Variants in OLFML1 observed in about 807,000 individuals in gnomAD.
OLFML1 encodes the protein olfactomedin like 1, also known as olfactomedin-like protein 1.
Under a neutral mutation model 37.3 loss-of-function variants are expected in OLFML1, and 33 were observed. The observed-to-expected ratio is 0.88, with a 90% CI of 0.67 to 1.18. The LOEUF (loss-of-function observed/expected upper bound fraction) is 1.18. Ranked by LOEUF, OLFML1 falls within the 50% of genes most tolerant of loss-of-function variation. OLFML1 has a pLI of 0.00. For synonymous variants in OLFML1, 186 were observed against 181.3 expected (o/e 1.03, Z -0.21); for missense variants, 545 against 483.7 (o/e 1.13, Z -1.19).
chr11:7,506,348 GAC>G (rs776953002), intron 2 of OLFML1, among the ~76,000 whole-genome samples: 24 of 152,196 alleles, frequency 1.6e-4, no homozygotes, highest in African/African-American at 3.4e-4. Flanking sequence ...CAGGAGAAAT[GAC>G]ACAGTTTCTT....
rs761460914 is a variant in OLFML1 at position 7,509,876 on chromosome 11, G to A, written c.897G>A (p.Pro299=). The A allele has an allele frequency of 9.9e-6, 16 of 1,614,098 alleles. No individual in the cohort carries two copies. The South Asian group carries it at 1.1e-4, about 11-fold the overall frequency. Residue 299 remains proline (P), a synonymous_variant, in exon 3 of 3, where the codon CCG becomes CCA. Coordinates refer to ENST00000329293, the MANE Select transcript of OLFML1 (RefSeq NM_198474.4). ...ATTTGGTTCTCACAAAGATTGAGCC[G>A]GGCACACTGGGAGTGGAGCATTCAT... The part of the protein sequence containing the change: ...HSHLVLTKIE[P]GTLGVEHSWD...
intron 2 of OLFML1, among the ~76,000 whole-genome samples, chr11:7,491,977 G>T (rs1342701879): frequency 3.9e-5 from 6 of 152,164 alleles, no homozygotes; most frequent in Admixed American, 2.6e-4. Context: ...CAACTGATTT[G>T]GAAACTTATC....
chr11:7,487,710 A>C (rs1564918652), intron 1 of OLFML1, among the ~76,000 whole-genome samples: 1 of 152,320 alleles, frequency 6.6e-6, no homozygotes, highest in Non-Finnish European at 1.5e-5. Flanking sequence ...TTTGAATGAC[A>C]AAAAATTAAA....
intron 2 of OLFML1, among the ~76,000 whole-genome samples, chr11:7,497,695 CAAT>C (rs1462063611): frequency 6.6e-6 from 1 of 152,144 alleles, no homozygotes; most frequent in Non-Finnish European, 1.5e-5. Flanking sequence ...TTGCTATTAT[CAAT>C]AAAGTTGTTA....
chr11:7,489,990 T>G (rs575644532), intron 2 of OLFML1, among the ~76,000 whole-genome samples: 1 of 152,166 alleles, frequency 6.6e-6, no homozygotes, highest in South Asian at 2.1e-4. Flanking sequence ...AACCCCAGTT[T>G]CATGTTCAAT....
Position 7,509,573 on chromosome 11 carries a change from T to A in OLFML1, c.594T>A (p.Asp198Glu), listed in dbSNP as rs756034494. ...CAAACATACGGGCATTCATGGAGGA[T>A]AACACCAAGCCAGCTCCCCGGAAGC... is the stretch of plus-strand genomic sequence containing the variant. ...EFANIRAFME[D>E]NTKPAPRKQI... The change falls in exon 3 of 3, where the codon GAT becomes GAA. Residue 198 changes from aspartate (D) to glutamate (E), a missense_variant. Transcript: ENST00000329293. The A allele has an allele frequency of 1.2e-6, 2 of 1,614,180 alleles. No individual in the cohort carries two copies. Among genetic ancestry groups the A allele is most frequent in the Admixed American group, 1.7e-5 (1 of 60,024 alleles).
intron 2 of OLFML1, among the ~76,000 whole-genome samples, chr11:7,498,422 G>A (rs1848687015): frequency 6.6e-6 from 1 of 152,180 alleles, no homozygotes; most frequent in South Asian, 2.1e-4. Flanking sequence ...AGAGGAAGTT[G>A]ATCAAGCACT....
rs200984474 is a variant in OLFML1 at position 7,485,940 on chromosome 11, C to T, written c.65C>T (p.Pro22Leu). The change falls in exon 1 of 3, where the codon CCG (proline) becomes CTG (leucine). Residue 22 changes from proline (P) to leucine (L), a missense_variant. Coordinates refer to ENST00000329293, the MANE Select transcript of OLFML1 (RefSeq NM_198474.4). ...CTGTTCCTTGCAGCTTTTCTGCCCCCGCCGCAGTGTACCCAGGACCCAGCC... is the reference window on the plus strand; with the variant it reads ...CTGTTCCTTGCAGCTTTTCTGCCCCTGCCGCAGTGTACCCAGGACCCAGCC... ...LVLFLAAFLP[P>L]PQCTQDPAMV... 208 of 1,613,988 alleles carry T rather than the reference C, an allele frequency of 1.3e-4. 2 individuals carry two copies. The African/African-American group carries it at 1.9e-3, about 15-fold the overall frequency.
At chr11:7,495,575 G>A (rs1215710644) in intron 2 of OLFML1, among the ~76,000 whole-genome samples, 1 of 151,968 alleles carries the variant, frequency 6.6e-6, no homozygotes, top group Admixed American at 6.6e-5. Flanking sequence ...CTATCTGTCT[G>A]GTGCTCTGTC....
intron 2 of OLFML1, 96 bp downstream of exon 2, chr11:7,488,511 G>A: frequency 1.0e-6 from 1 of 988,362 alleles, no homozygotes; most frequent in East Asian, 2.6e-5. Context: ...AGAGTAATGA[G>A]AGTAAGAATT....
intron 2 of OLFML1, among the ~76,000 whole-genome samples, chr11:7,492,033 TCA>T (rs1449853261): frequency 2.0e-5 from 3 of 152,286 alleles, no homozygotes; most frequent in Admixed American, 2.0e-4. Flanking sequence ...TGTAATGCAA[TCA>T]CAGAGTGCTG....
intron 2 of OLFML1, among the ~76,000 whole-genome samples, chr11:7,503,559 T>C (rs1159557293): frequency 6.6e-6 from 1 of 152,186 alleles, no homozygotes; most frequent in Non-Finnish European, 1.5e-5. Context: ...AGTGGAGAAC[T>C]GAAGTCTGAT....
Position 7,485,713 on chromosome 11 carries a change from T to G in OLFML1, c.-163T>G, listed in dbSNP as rs906460541. On this transcript the variant is annotated 5_prime_UTR_variant, in exon 1 of 3. Coordinates refer to ENST00000329293, the MANE Select transcript of OLFML1 (RefSeq NM_198474.4). ...CTAGCTGGCAAACTGAGCTCACGTA[T>G]CGGGTGGAATAACAAGCGGACTTTG... is the stretch of plus-strand genomic sequence containing the variant. 2 of 713,804 alleles carry G rather than the reference T, an allele frequency of 2.8e-6. No individual in the cohort carries two copies. The highest frequency in any genetic ancestry group is 3.5e-5 in the African/African-American group (2 of 56,468). 44.2% of individuals were successfully genotyped at this position (713,804 alleles called of 1,614,324 possible).
Position 7,509,824 on chromosome 11 carries a change from T to A in OLFML1, c.845T>A (p.Ile282Asn), listed in dbSNP as rs754950652. Residue 282 changes from isoleucine to asparagine, a missense_variant, in exon 3 of 3, where the codon ATC (isoleucine) becomes AAC (asparagine). Transcript: ENST00000329293. ...LAVDEHGLWA[I>N]HSGPGTHSHL... The stretch of plus-strand genomic sequence containing the variant: ...GTGGATGAGCATGGGCTCTGGGCCA[T>A]CCACTCTGGGCCAGGCACCCATAGC... The A allele has an allele frequency of 6.2e-7, 1 of 1,614,006 alleles. No homozygotes were observed. Among genetic ancestry groups the A allele is most frequent in the South Asian group, 1.1e-5 (1 of 91,080 alleles).
At chr11:7,494,390 C>T (rs558643795) in intron 2 of OLFML1, among the ~76,000 whole-genome samples, 3 of 152,340 alleles carry the variant, frequency 2.0e-5, no homozygotes, top group South Asian at 4.1e-4. Flanking sequence ...AATCCTTAAG[C>T]ATTTTACCTA....
At chr11:7,508,811 T>A (rs755937391) in intron 2 of OLFML1, among the ~76,000 whole-genome samples, 2 of 152,196 alleles carry the variant, frequency 1.3e-5, no homozygotes, top group Admixed American at 6.5e-5. Flanking sequence ...CTTAGCACCA[T>A]TCTGGAAACA....
intron 2 of OLFML1, among the ~76,000 whole-genome samples, chr11:7,493,387 C>G (rs1427975587): frequency 6.6e-6 from 1 of 152,206 alleles, no homozygotes; most frequent in African/African-American, 2.4e-5. Context: ...TTTGCCAACT[C>G]TCAAGGTCCA....
rs539765539 is a variant in OLFML1, at chr11:7,503,247, T to C, written c.419-6151T>C. 7.9e-5 allele frequency among the ~76,000 whole-genome samples: 12 copies of C among 152,156 alleles called. No homozygotes were observed. The South Asian group carries it at 1.2e-3, about 16-fold the overall frequency. Reference sequence around the variant, plus strand: ...TAGAATGGGATGATTCAGAAAGTGATTGTAGACAAAGAAAAGAGGAGGCCT... The same window carrying C: ...TAGAATGGGATGATTCAGAAAGTGACTGTAGACAAAGAAAAGAGGAGGCCT... On this transcript the variant is annotated intron_variant, in intron 2 of 2. Transcript: ENST00000329293.
intron 2 of OLFML1, among the ~76,000 whole-genome samples, chr11:7,500,573 A>C (rs774392152): frequency 3.3e-5 from 5 of 152,152 alleles, no homozygotes; most frequent in Admixed American, 6.5e-5. Flanking sequence ...TACAAGCCTT[A>C]ATGTTTCCTC....
Sources: gnomAD v4.1 joint callset for allele counts (sites outside exome capture counted in the v4.1 genomes callset) on GRCh38, gnomAD v4.1.1 for gene constraint, MANE v1.5 for transcripts, NCBI Gene and HGNC (gene_info 2026-07-23, HGNC 2026-07-21) for gene names.